WDR37: variants seen among roughly 807,000 people sequenced by gnomAD.
WDR37 encodes WD repeat-containing protein 37.
Under a neutral mutation model 62.9 loss-of-function variants are expected in WDR37, and 19 were observed. The observed-to-expected ratio is 0.30, with a 90% CI of 0.21 to 0.44. WDR37 has a LOEUF of 0.44. Among genes scored for constraint, WDR37 ranks in the 20% least tolerant of loss-of-function variants. The pLI, the probability that WDR37 is intolerant of heterozygous loss-of-function variation, is 1.00. For synonymous variants in WDR37, 250 were observed against 260.9 expected (o/e 0.96, Z 0.40); for missense variants, 474 against 657.6 (o/e 0.72, Z 3.05).
Position 1,066,351 on chromosome 10 carries a change from T to C in WDR37, c.-40-5765T>C, listed in dbSNP as rs188637100. Among the ~76,000 whole-genome samples, 219 of 152,282 alleles carry C rather than the reference T, an allele frequency of 1.4e-3. 4 individuals are homozygous for C. In the East Asian group the frequency reaches 0.028, roughly 19 times the overall value. ...TAGGATGGTCTCGAAGTCCTGACCT[T>C]GTGATCCGTCCACCTTGACCTCCCA... On this transcript the variant is annotated intron_variant, in intron 1 of 13. Coordinates refer to ENST00000263150, the MANE Select transcript of WDR37 (RefSeq NM_014023.4).
intron 1 of WDR37, among the ~76,000 whole-genome samples, chr10:1,069,389 A>ATATTTT: frequency 3.1e-5 from 3 of 95,804 alleles, no homozygotes; most frequent in Admixed American, 1.2e-4. Flanking sequence ...ATATATATAT[A>ATATTTT]TTTTTTTTTT....
rs78773465 is a variant in WDR37, at chr10:1,065,471, A to G, written c.-40-6645A>G. Among the ~76,000 whole-genome samples the G allele has an allele frequency of 9.6e-3, 1,456 of 152,288 alleles. 23 individuals are homozygous for G. The highest frequency in any genetic ancestry group is 0.033 in the African/African-American group (1,382 of 41,540). ...TGTTTACCCCACGAGAAGGCAAAAA[A>G]GAGAATAGAGGGAGAGAGAATGAAT... On this transcript the variant is annotated intron_variant, in intron 1 of 13. Coordinates refer to ENST00000263150, the MANE Select transcript of WDR37 (RefSeq NM_014023.4).
intron 11 of WDR37, among the ~76,000 whole-genome samples, chr10:1,115,037 T>G (rs550583836): frequency 2.8e-4 from 43 of 152,082 alleles, no homozygotes; most frequent in African/African-American, 1.0e-3. Context: ...TTTGTTTTTT[T>G]TTTTTTGTTG....
At chr10:1,099,613 T>C (rs1834721502) in intron 9 of WDR37, among the ~76,000 whole-genome samples, 1 of 152,258 alleles carries the variant, frequency 6.6e-6, no homozygotes, top group Non-Finnish European at 1.5e-5. Context: ...ATTGCCAGAC[T>C]ATTCATTATG....
At chr10:1,080,306 C>G (rs1456158676) in intron 4 of WDR37, 106 bp from the exon 5 acceptor site, 2 of 1,464,558 alleles carry the variant, frequency 1.4e-6, no homozygotes, top group African/African-American at 2.8e-5. Flanking sequence ...GTCAAACGAG[C>G]CTTTCTGGGC....
chr10:1,104,674 G>GT (rs1344516669), intron 10 of WDR37, among the ~76,000 whole-genome samples: 1 of 152,202 alleles, frequency 6.6e-6, no homozygotes, highest in Non-Finnish European at 1.5e-5. Context: ...CATGTACGGG[G>GT]TGGGGGTGGC....
chr10:1,119,776 T>C (rs1835517435), intron 11 of WDR37, among the ~76,000 whole-genome samples: 1 of 152,264 alleles, frequency 6.6e-6, no homozygotes, highest in Admixed American at 6.5e-5. Context: ...GAGCGGGGCC[T>C]GCACACAGCC....
intron 2 of WDR37, among the ~76,000 whole-genome samples, chr10:1,072,932 C>T (rs1291742194): frequency 6.6e-6 from 1 of 152,156 alleles, no homozygotes; most frequent in Admixed American, 6.6e-5. Context: ...AGAAGAGTAT[C>T]ATATCCTTTT....
rs1223081735 is a variant in WDR37, at chr10:1,130,641, C to G, written c.*1297C>G. On this transcript the variant is annotated 3_prime_UTR_variant, in exon 14 of 14. Transcript: ENST00000263150. ...TATTCAGTCCTTTCAATACGTCCAC[C>G]TGGAGGCTCACCACTTGGAGAGACA... 6.6e-6 allele frequency: 1 copy of G among 152,230 alleles called. No individual in the cohort carries two copies. Among genetic ancestry groups the G allele is most frequent in the Non-Finnish European group, 1.5e-5 (1 of 68,052 alleles). The allele number at this position is 152,230 out of a possible 1,614,324, so 9.4% of individuals were successfully genotyped here. A position where few individuals can be genotyped will look rare whatever the true frequency, so the allele number is the denominator to read the frequency against.
intron 3 of WDR37, 150 bp from the exon 4 acceptor site, chr10:1,079,861 A>G (rs964253742): frequency 5.5e-5 from 34 of 620,334 alleles, no homozygotes; most frequent in Non-Finnish European, 9.0e-5. Context: ...AACTCTATGA[A>G]TTGTGATCTT....
intron 9 of WDR37, among the ~76,000 whole-genome samples, chr10:1,101,277 T>C (rs561816676): frequency 6.6e-6 from 1 of 152,328 alleles, no homozygotes; most frequent in East Asian, 1.9e-4. Flanking sequence ...CCCACAGTCC[T>C]GGAGGCTGGA....
intron 2 of WDR37, among the ~76,000 whole-genome samples, chr10:1,073,420 C>T (rs1191724166): frequency 1.3e-5 from 2 of 152,092 alleles, no homozygotes; most frequent in Non-Finnish European, 2.9e-5. Flanking sequence ...ACCCAGAATC[C>T]GACATGACTG....
At chr10:1,074,416 C>T (rs1020075072) in intron 2 of WDR37, 8 of 1,303,552 alleles carry the variant, frequency 6.1e-6, no homozygotes, top group South Asian at 2.5e-5. Flanking sequence ...TCCTCTGCTC[C>T]ACCTTTGGCC....
chr10:1,069,893 A>C (rs1259054219), intron 1 of WDR37, among the ~76,000 whole-genome samples: 1 of 152,132 alleles, frequency 6.6e-6, no homozygotes, highest in African/African-American at 2.4e-5. Flanking sequence ...ACTTCCTGTG[A>C]ATCTGCAGTT....
chr10:1,126,336 G>T (rs1016708221), intron 13 of WDR37, among the ~76,000 whole-genome samples: 1 of 151,048 alleles, frequency 6.6e-6, no homozygotes, highest in Non-Finnish European at 1.5e-5. Context: ...AACCCAGGAG[G>T]CGGAGCTTGC....
intron 8 of WDR37, among the ~76,000 whole-genome samples, chr10:1,094,816 G>A (rs1290270800): frequency 6.6e-6 from 1 of 152,058 alleles, no homozygotes; most frequent in Non-Finnish European, 1.5e-5. Flanking sequence ...GGAAACGTGA[G>A]GTAATGGACA....
At chr10:1,078,082 T>A in intron 3 of WDR37, 79 bp downstream of exon 3, 1 of 1,128,948 alleles carries the variant, frequency 8.9e-7, no homozygotes, top group Non-Finnish European at 1.3e-6. Flanking sequence ...TTCATCACTA[T>A]ATTAGTTTTC....
At position 1,080,000 on chromosome 10, in the gene WDR37, T is replaced by C. The variant is rs149106185; in HGVS notation, c.236-11T>C. Reference sequence around the variant, plus strand: ...CATACTTTAGATTTTTGAAAACTTTTTTCTTCCCAGTACGTAGAGAAATCG... The same window carrying C: ...CATACTTTAGATTTTTGAAAACTTTCTTCTTCCCAGTACGTAGAGAAATCG... On this transcript the variant is annotated splice_polypyrimidine_tract_variant and intron_variant, in intron 3 of 13. Coordinates refer to ENST00000263150, the MANE Select transcript of WDR37 (RefSeq NM_014023.4). 6.2e-7 allele frequency: 1 copy of C among 1,612,848 alleles called. No individual in the cohort carries two copies. Among genetic ancestry groups the C allele is most frequent in the East Asian group, 2.2e-5 (1 of 44,868 alleles).
At position 1,108,734 on chromosome 10, in the gene WDR37, G is replaced by T. The variant is rs1367759521; in HGVS notation, c.1103+3467G>T. Among the ~76,000 whole-genome samples, 3 of 96,544 alleles carry T rather than the reference G, an allele frequency of 3.1e-5. No homozygotes were observed. The East Asian group carries it at 8.5e-4, about 27-fold the overall frequency. 63.3% of individuals were successfully genotyped at this position (96,544 alleles called of 152,430 possible). A position where few individuals can be genotyped will look rare whatever the true frequency, so the allele number is the denominator to read the frequency against. On this transcript the variant is annotated intron_variant, in intron 11 of 13. Coordinates refer to ENST00000263150, the MANE Select transcript of WDR37 (RefSeq NM_014023.4). ...TGTGGTTGCTTTGGTTTTGGCTTCTGTGATGCCCCCCCCCCCCGTGGAACC... is the reference window on the plus strand; with the variant it reads ...TGTGGTTGCTTTGGTTTTGGCTTCTTTGATGCCCCCCCCCCCCGTGGAACC...
Sources: gnomAD v4.1 joint callset for allele counts (sites outside exome capture counted in the v4.1 genomes callset) on GRCh38, gnomAD v4.1.1 for gene constraint, MANE v1.5 for transcripts, NCBI Gene and HGNC (gene_info 2026-07-23, HGNC 2026-07-21) for gene names.